The following PCDH15 variants were observed in gnomAD, a reference collection of about 807,000 sequenced individuals.
PCDH15 encodes the protein protocadherin related 15.
In PCDH15, 129 loss-of-function variants were observed where a neutral mutation model predicts 178.5. That is an observed-to-expected ratio of 0.72 (90% confidence interval 0.63 to 0.84). The LOEUF (loss-of-function observed/expected upper bound fraction) is 0.84, where lower values mean the gene tolerates loss of function less well. Among genes scored for constraint, PCDH15 ranks in the 40% least tolerant of loss-of-function variants. The probability of loss-of-function intolerance (pLI) is 0.00; values close to 1 mark genes in which losing one functional copy is unlikely to be tolerated. For missense variants in PCDH15, 2,230 were observed against 2,099.9 expected, an observed-to-expected ratio of 1.06 and a Z score of -1.21; for synonymous variants, 800 against 732.0, an observed-to-expected ratio of 1.09 and a Z score of -1.50.
chr10:54,866,919 A>G (rs1953953370), intron 3 of PCDH15, among the ~76,000 whole-genome samples: 1 of 152,192 alleles, frequency 6.6e-6, no homozygotes, highest in Admixed American at 6.6e-5. Context: ...AAGGTCTCTT[A>G]GGAATATTTC....
At chr10:55,213,686 C>T (rs542136757) in intron 1 of PCDH15, among the ~76,000 whole-genome samples, 7 of 151,428 alleles carry the variant, frequency 4.6e-5, no homozygotes, top group Non-Finnish European at 7.4e-5. Flanking sequence ...TTCTTGTTTT[C>T]GCCCCATGGT....
At chr10:54,507,649 T>C (rs771594924) in intron 3 of PCDH15, among the ~76,000 whole-genome samples, 6 of 152,006 alleles carry the variant, frequency 3.9e-5, no homozygotes, top group Non-Finnish European at 5.9e-5. Context: ...TGTTTGTTAT[T>C]GCTCCTATTT....
At chr10:54,465,518 T>G (rs2077459946) in intron 3 of PCDH15, among the ~76,000 whole-genome samples, 1 of 152,058 alleles carries the variant, frequency 6.6e-6, no homozygotes, top group African/African-American at 2.4e-5. Context: ...CTGATTTATT[T>G]CATGTAACAT....
chr10:54,639,181 TATAA>T (rs1307236068), intron 2 of PCDH15, among the ~76,000 whole-genome samples: 16 of 152,146 alleles, frequency 1.1e-4, no homozygotes, highest in Admixed American at 1.0e-3. Context: ...AATATATGCT[TATAA>T]ATAAACGATA....
intron 2 of PCDH15, among the ~76,000 whole-genome samples, chr10:55,061,314 A>G (rs910888681): frequency 6.6e-6 from 1 of 152,304 alleles, no homozygotes; most frequent in East Asian, 1.9e-4. Flanking sequence ...AAGACATTCC[A>G]CATCATATAT....
At chr10:54,050,222 CTAATT>C (rs1390115799) in intron 18 of PCDH15, among the ~76,000 whole-genome samples, 1 of 152,094 alleles carries the variant, frequency 6.6e-6, no homozygotes, top group Non-Finnish European at 1.5e-5. Context: ...TTTTTCATTA[CTAATT>C]TAATTTCAAA....
At chr10:54,082,005 G>A (rs117865606) in intron 16 of PCDH15, among the ~76,000 whole-genome samples, 4,366 of 152,270 alleles carry the variant, frequency 0.029, 131 homozygotes, top group South Asian at 0.14. Flanking sequence ...ATCAAATCTG[G>A]TAGAAGAACT....
upstream of PCDH15, among the ~76,000 whole-genome samples, chr10:55,323,192 A>G (rs778268717): frequency 2.6e-5 from 4 of 152,344 alleles, no homozygotes; most frequent in Non-Finnish European, 5.9e-5. Flanking sequence ...TCTAGATTTC[A>G]GAGGACGTAC....
intron 13 of PCDH15, among the ~76,000 whole-genome samples, chr10:54,176,852 G>T (rs1239644111): frequency 6.6e-6 from 1 of 152,030 alleles, no homozygotes; most frequent in African/African-American, 2.4e-5. Context: ...CACCTTAGAA[G>T]ACAGCTTCTC....
chr10:54,417,237 C>T (rs1049418558), intron 3 of PCDH15, among the ~76,000 whole-genome samples: 3 of 152,100 alleles, frequency 2.0e-5, no homozygotes, highest in African/African-American at 7.2e-5. Flanking sequence ...TAAAGAATTA[C>T]ATTTCAGTTT....
At chr10:54,021,129 C>T (rs146179977) in intron 19 of PCDH15, among the ~76,000 whole-genome samples, 7 of 152,154 alleles carry the variant, frequency 4.6e-5, no homozygotes, top group Admixed American at 1.3e-4. Context: ...ATGTGACATG[C>T]TATCTAAAAG....
rs760433899 is a variant in PCDH15, at chr10:53,905,192, C to A, written c.3374-1822G>T. 4 of 518,794 alleles carry A rather than the reference C, an allele frequency of 7.7e-6. No individual in the cohort carries two copies. In the Admixed American group the frequency reaches 7.8e-5, roughly 10 times the overall value. The allele number at this position is 518,794 out of a possible 1,614,324, so 32.1% of individuals were successfully genotyped here. A position where few individuals can be genotyped will look rare whatever the true frequency, so the allele number is the denominator to read the frequency against. On this transcript the variant is annotated intron_variant, in intron 25 of 37. Transcript: ENST00000644397. ...TATACTTAAGTCTGTTGTTGTCTCA[C>A]CTGAGTGACTAAACGTCATCTGCTC...
intron 2 of PCDH15, among the ~76,000 whole-genome samples, chr10:54,926,928 T>A (rs11523830): frequency 0.2 from 30,386 of 151,656 alleles, 3,572 homozygotes; most frequent in Non-Finnish European, 0.27. Context: ...TTTTTTAAAA[T>A]TTTTTTTTAA....
At chr10:55,135,879 C>T (rs1180701143) in intron 2 of PCDH15, among the ~76,000 whole-genome samples, 2 of 151,912 alleles carry the variant, frequency 1.3e-5, no homozygotes, top group African/African-American at 2.4e-5. Flanking sequence ...CCACTGTGCC[C>T]GGCATAAAGC....
intron 1 of PCDH15, among the ~76,000 whole-genome samples, chr10:54,751,881 T>C (rs1448052923): frequency 2.0e-5 from 3 of 152,118 alleles, no homozygotes; most frequent in Non-Finnish European, 4.4e-5. Flanking sequence ...GCTTTCCCAA[T>C]ATTATAAAAA....
intron 35 of PCDH15, among the ~76,000 whole-genome samples, chr10:53,812,112 A>T (rs962038332): frequency 6.6e-6 from 1 of 152,206 alleles, no homozygotes; most frequent in Non-Finnish European, 1.5e-5. Context: ...TGATAAAGTC[A>T]TCTGAGAACA....
intron 1 of PCDH15, among the ~76,000 whole-genome samples, chr10:55,191,561 A>T (rs1184816398): frequency 6.6e-6 from 1 of 151,906 alleles, no homozygotes; most frequent in Non-Finnish European, 1.5e-5. Flanking sequence ...GGTATGGCTT[A>T]CTCATGTAAA....
intron 1 of PCDH15, among the ~76,000 whole-genome samples, chr10:55,270,757 C>G (rs1842423758): frequency 6.6e-6 from 1 of 150,966 alleles, no homozygotes; most frequent in African/African-American, 2.5e-5. Context: ...AGCTTAGAAC[C>G]CCATTCTACT....
intron 2 of PCDH15, among the ~76,000 whole-genome samples, chr10:54,661,542 TA>T (rs950339801): frequency 3.0e-4 from 46 of 151,066 alleles, no homozygotes; most frequent in Admixed American, 1.8e-3. Flanking sequence ...CATAAAATTA[TA>T]AAAAAAAATT....
Sources: gnomAD v4.1 joint callset for allele counts (sites outside exome capture counted in the v4.1 genomes callset) on GRCh38, gnomAD v4.1.1 for gene constraint, MANE v1.5 for transcripts, NCBI Gene and HGNC (gene_info 2026-07-23, HGNC 2026-07-21) for gene names.